NOTO: variants seen among roughly 807,000 people sequenced by gnomAD.
The protein encoded by NOTO is notochord homeobox.
Under a neutral mutation model 20.5 loss-of-function variants are expected in NOTO, and 19 were observed. That is an observed-to-expected ratio of 0.93 (90% CI 0.65 to 1.36). The LOEUF (loss-of-function observed/expected upper bound fraction) is 1.36, where lower values mean the gene tolerates loss of function less well. Among genes scored for constraint, NOTO ranks in the 40% most tolerant of loss-of-function variants. The pLI, the probability that NOTO is intolerant of heterozygous loss-of-function variation, is 0.00. For missense variants in NOTO, 369 were observed against 336.2 expected (o/e 1.10, Z -0.76); for synonymous variants, 150 against 150.2 (o/e 1.00, Z 0.01).
At position 73,204,870 on chromosome 2, in the gene NOTO, A is replaced by ATTTTTTT. The variant is rs763001329; in HGVS notation, c.382+1824_382+1830dup. 7.6e-3 allele frequency among the ~76,000 whole-genome samples: 706 copies of ATTTTTTT among 92,702 alleles called. 102 individuals carry two copies. The highest frequency in any genetic ancestry group is 0.017 in the African/African-American group (276 of 16,644). 60.8% of individuals were successfully genotyped at this position (92,702 alleles called of 152,430 possible). ...CAAGCCCCAGCACCATGCCCGGCTA[A>ATTTTTTT]TTTTTTTTATTTTTTTATTTTTTTT... On this transcript the variant is annotated intron_variant, in intron 1 of 2. Coordinates refer to ENST00000398468, the MANE Select transcript of NOTO (RefSeq NM_001134462.2).
At chr2:73,208,664 C>A in intron 2 of NOTO, 50 bp downstream of exon 2, 1 of 1,199,400 alleles carries the variant, frequency 8.3e-7, no homozygotes, top group South Asian at 1.3e-5. Context: ...GGGACAAACA[C>A]TACCTCAGCA....
At chr2:73,204,147 G>T (rs1312710628) in intron 1 of NOTO, among the ~76,000 whole-genome samples, 1 of 150,186 alleles carries the variant, frequency 6.7e-6, no homozygotes, top group Non-Finnish European at 1.5e-5. Context: ...GCGTGGTGGC[G>T]CGCGCTTGTA....
intron 2 of NOTO, among the ~76,000 whole-genome samples, chr2:73,210,468 CAT>C (rs1686163873): frequency 6.6e-6 from 1 of 152,222 alleles, no homozygotes; most frequent in African/African-American, 2.4e-5. Flanking sequence ...TGTTTGTTTA[CAT>C]GTTTCTTGCC....
intron 1 of NOTO, among the ~76,000 whole-genome samples, chr2:73,205,497 C>G (rs1686077308): frequency 6.6e-6 from 1 of 152,118 alleles, no homozygotes; most frequent in Non-Finnish European, 1.5e-5. Context: ...GACACTGTCT[C>G]AAAAAATTAA....
intron 1 of NOTO, among the ~76,000 whole-genome samples, chr2:73,207,952 T>A (rs1303518293): frequency 6.6e-6 from 1 of 152,216 alleles, no homozygotes; most frequent in Non-Finnish European, 1.5e-5. Flanking sequence ...CGACAGAGAT[T>A]TTCTGTTTTG....
At position 73,202,956 on chromosome 2, in the gene NOTO, C is replaced by T. The variant is rs114247644; in HGVS notation, c.290C>T (p.Ser97Leu). ...GGTCTGCCCTGGGCTTGCCCGACAT[C>T]GTGGCTGCCCGCCTACCTGAGCGTA... ...TGGLPWACPT[S>L]WLPAYLSVGF... Residue 97 changes from serine to leucine, a missense_variant, in exon 1 of 3, where the codon TCG becomes TTG. Coordinates refer to ENST00000398468, the MANE Select transcript of NOTO (RefSeq NM_001134462.2). 1.4e-3 allele frequency: 2,047 copies of T among 1,512,340 alleles called. 27 individuals are homozygous for T. The African/African-American group carries it at 0.027, about 20-fold the overall frequency. The allele number at this position is 1,512,340 out of a possible 1,614,324, so 93.7% of individuals were successfully genotyped here. A position where few individuals can be genotyped will look rare whatever the true frequency, so the allele number is the denominator to read the frequency against.
chr2:73,207,735 A>G (rs1686108807), intron 1 of NOTO, among the ~76,000 whole-genome samples: 1 of 152,014 alleles, frequency 6.6e-6, no homozygotes, highest in African/African-American at 2.4e-5. Context: ...TTGTATTTTT[A>G]GTAGAGACGG....
At chr2:73,209,421 C>A (rs1686137116) in intron 2 of NOTO, among the ~76,000 whole-genome samples, 2 of 152,118 alleles carry the variant, frequency 1.3e-5, no homozygotes, top group African/African-American at 4.8e-5. Context: ...TCAGCAAGGT[C>A]TCTAATAACC....
Position 73,202,580 on chromosome 2 carries a change from C to T in NOTO, c.-87C>T, listed in dbSNP as rs1008627744. ...CGCCGAGCGCCAGGAGGTTCCCAGACAACCGGTCTTGCTCGCTGCCTTTTG... is the reference window on the plus strand; with the variant it reads ...CGCCGAGCGCCAGGAGGTTCCCAGATAACCGGTCTTGCTCGCTGCCTTTTG... On this transcript the variant is annotated 5_prime_UTR_variant, in exon 1 of 3. Coordinates refer to ENST00000398468, the MANE Select transcript of NOTO (RefSeq NM_001134462.2). The T allele has an allele frequency of 1.2e-5, 16 of 1,299,078 alleles. No individual in the cohort carries two copies. The South Asian group carries it at 1.3e-4, about 11-fold the overall frequency. The allele number at this position is 1,299,078 out of a possible 1,614,324, so 80.5% of individuals were successfully genotyped here.
rs922220414 is a variant in NOTO, at chr2:73,202,695, C to A, written c.29C>A (p.Pro10Gln). Reference sequence around the variant, plus strand: ...CCTAGCCCCAGGCCGCGAGGCAGCCCGCCACCCGCTCCCTCGGGCTCTCGG... The same window carrying A: ...CCTAGCCCCAGGCCGCGAGGCAGCCAGCCACCCGCTCCCTCGGGCTCTCGG... MPSPRPRGS[P>Q]PPAPSGSRVR... Residue 10 changes from proline to glutamine, a missense_variant, in exon 1 of 3, where the codon CCG (proline) becomes CAG (glutamine). Pro to Gln is a moderately conservative substitution (Grantham distance 76). Coordinates refer to ENST00000398468, the MANE Select transcript of NOTO (RefSeq NM_001134462.2). The A allele has an allele frequency of 3.0e-5, 45 of 1,508,772 alleles. No homozygotes were observed. Among genetic ancestry groups the A allele is most frequent in the Non-Finnish European group, 5.3e-6 (6 of 1,135,458 alleles). 93.5% of individuals were successfully genotyped at this position (1,508,772 alleles called of 1,614,324 possible).
Position 73,211,560 on chromosome 2 carries a change from C to A in NOTO, c.*631C>A, listed in dbSNP as rs1020919847. The stretch of plus-strand genomic sequence containing the variant: ...TCTTGGCTCACCGCCACCTCCGCCT[C>A]CCGGGTTCAAGCGATTCTCCTGCCT... On this transcript the variant is annotated 3_prime_UTR_variant, in exon 3 of 3. Transcript: ENST00000398468. 1 of 152,452 alleles carries A rather than the reference C, an allele frequency of 6.6e-6. No individual in the cohort carries two copies. Among genetic ancestry groups the A allele is most frequent in the African/African-American group, 2.4e-5 (1 of 41,458 alleles). 9.4% of individuals were successfully genotyped at this position (152,452 alleles called of 1,614,324 possible).
intron 1 of NOTO, among the ~76,000 whole-genome samples, chr2:73,206,755 A>C (rs1243167764): frequency 7.0e-6 from 1 of 143,438 alleles, no homozygotes; most frequent in Non-Finnish European, 1.5e-5. Flanking sequence ...TCTGGCTGGT[A>C]ATTGGTGGCA....
Position 73,211,831 on chromosome 2 carries a change from T to C in NOTO, c.*902T>C, listed in dbSNP as rs1335085313. The C allele has an allele frequency of 6.6e-6, 1 of 152,192 alleles. No individual in the cohort carries two copies. The highest frequency in any genetic ancestry group is 1.5e-5 in the Non-Finnish European group (1 of 68,042). The allele number at this position is 152,192 out of a possible 1,614,324, so 9.4% of individuals were successfully genotyped here. A position where few individuals can be genotyped will look rare whatever the true frequency, so the allele number is the denominator to read the frequency against. ...CCAGTCATCAGTCAACTCATTAGCA[T>C]ATGAAAAGACATCACTTCAGAGATT... On this transcript the variant is annotated 3_prime_UTR_variant, in exon 3 of 3. Transcript: ENST00000398468.
chr2:73,202,595 G>A lies in NOTO; in HGVS notation c.-72G>A. On this transcript the variant is annotated 5_prime_UTR_variant, in exon 1 of 3. Transcript: ENST00000398468. ...GGTTCCCAGACAACCGGTCTTGCTCGCTGCCTTTTGCAGAATCTTCTCACT... is the reference window on the plus strand; with the variant it reads ...GGTTCCCAGACAACCGGTCTTGCTCACTGCCTTTTGCAGAATCTTCTCACT... 7.4e-7 allele frequency: 1 copy of A among 1,354,140 alleles called. No homozygotes were observed. Among genetic ancestry groups the A allele is most frequent in the Non-Finnish European group, 9.5e-7 (1 of 1,047,692 alleles). The allele number at this position is 1,354,140 out of a possible 1,614,324, so 83.9% of individuals were successfully genotyped here. A position where few individuals can be genotyped will look rare whatever the true frequency, so the allele number is the denominator to read the frequency against.
In NOTO at chr2:73,203,023, C is replaced by T. The variant is rs1686028322; in HGVS notation, c.357C>T (p.Cys119=). Reference sequence around the variant, plus strand: ...CAGGGCCGCGCGTGGCTCCCGTCTGCGGCCTGCTGGGCTTCGGCGTCACAG... The same window carrying T: ...CAGGGCCGCGCGTGGCTCCCGTCTGTGGCCTGCTGGGCTTCGGCGTCACAG... ...PVPGPRVAPV[C]GLLGFGVTGL... is the part of the protein sequence containing the mutation. Residue 119 remains cysteine, a synonymous_variant, in exon 1 of 3, where the codon TGC becomes TGT. Transcript: ENST00000398468. 5 of 1,412,620 alleles carry T rather than the reference C, an allele frequency of 3.5e-6. No individual in the cohort carries two copies. Among genetic ancestry groups the T allele is most frequent in the Non-Finnish European group, 3.7e-6 (4 of 1,084,960 alleles). The allele number at this position is 1,412,620 out of a possible 1,614,324, so 87.5% of individuals were successfully genotyped here.
In NOTO at chr2:73,202,662, G is replaced by A; in HGVS notation, c.-5G>A. On this transcript the variant is annotated 5_prime_UTR_variant, in exon 1 of 3. Coordinates refer to ENST00000398468, the MANE Select transcript of NOTO (RefSeq NM_001134462.2). Reference sequence around the variant, plus strand: ...CCTTGCGTCCGTCCGGGCAACGGCCGCGTCATGCCTAGCCCCAGGCCGCGA... The same window carrying A: ...CCTTGCGTCCGTCCGGGCAACGGCCACGTCATGCCTAGCCCCAGGCCGCGA... The A allele has an allele frequency of 2.8e-6, 4 of 1,446,026 alleles. No individual in the cohort carries two copies. The highest frequency in any genetic ancestry group is 2.8e-5 in the South Asian group (2 of 72,158). The allele number at this position is 1,446,026 out of a possible 1,614,324, so 89.6% of individuals were successfully genotyped here. A position where few individuals can be genotyped will look rare whatever the true frequency, so the allele number is the denominator to read the frequency against.
intron 1 of NOTO, among the ~76,000 whole-genome samples, chr2:73,204,055 C>G (rs1416989227): frequency 1.2e-5 from 1 of 84,160 alleles, no homozygotes; most frequent in Non-Finnish European, 2.3e-5. Context: ...GTCGAGATCG[C>G]GCCACTGCAC....
intron 2 of NOTO, 149 bp downstream of exon 2, chr2:73,208,763 C>G (rs964777560): frequency 5.1e-6 from 3 of 593,766 alleles, no homozygotes; most frequent in Non-Finnish European, 8.9e-6. Context: ...TTTGCACACT[C>G]TATATAATGA....
rs1450734727 is a variant in NOTO at position 73,202,710 on chromosome 2, C to T, written c.44C>T (p.Ser15Leu). The T allele has an allele frequency of 1.3e-6, 2 of 1,515,168 alleles. No individual in the cohort carries two copies. Among genetic ancestry groups the T allele is most frequent in the Non-Finnish European group, 1.8e-6 (2 of 1,137,998 alleles). The allele number at this position is 1,515,168 out of a possible 1,614,324, so 93.9% of individuals were successfully genotyped here. Reference protein sequence around the residue: ...RPRGSPPPAPSGSRVRPPRSG... With the variant: ...RPRGSPPPAPLGSRVRPPRSG... Reference sequence around the variant, plus strand: ...CGAGGCAGCCCGCCACCCGCTCCCTCGGGCTCTCGGGTCCGACCTCCGCGC... The same window carrying T: ...CGAGGCAGCCCGCCACCCGCTCCCTTGGGCTCTCGGGTCCGACCTCCGCGC... Residue 15 changes from serine to leucine, a missense_variant, in exon 1 of 3, where the codon TCG becomes TTG. Transcript: ENST00000398468.
Sources: allele counts gnomAD v4.1 joint callset (sites outside exome capture counted in the v4.1 genomes callset), GRCh38; gene constraint gnomAD v4.1.1; transcripts MANE v1.5; gene names NCBI Gene and HGNC (gene_info 2026-07-23, HGNC 2026-07-21).